The following ANK3 variants were observed in gnomAD, a reference collection of about 807,000 sequenced individuals.
ANK3 encodes the protein ankyrin-3.
A neutral mutation model predicts 370.9 loss-of-function variants in ANK3; 57 were observed. The ratio of observed to expected loss-of-function variants is 0.15; its 90% CI spans 0.12 to 0.19. The LOEUF is 0.19. Ranked by LOEUF, ANK3 falls within the 10% of genes least tolerant of loss-of-function variation. The pLI, the probability that ANK3 is intolerant of heterozygous loss-of-function variation, is 1.00. For missense variants in ANK3, 4,439 were observed against 5,302.1 expected (o/e 0.84, Z 5.06); for synonymous variants, 1,929 against 1,946.3 (o/e 0.99, Z 0.23).
intron 2 of ANK3, among the ~76,000 whole-genome samples, chr10:60,404,849 G>A (rs1036806378): frequency 6.6e-6 from 1 of 152,032 alleles, no homozygotes; most frequent in African/African-American, 2.4e-5. Context: ...AAATATAAGT[G>A]ACTCCAACAA....
At chr10:60,273,001 G>T (rs1394299713) in intron 4 of ANK3, among the ~76,000 whole-genome samples, 2 of 152,136 alleles carry the variant, frequency 1.3e-5, no homozygotes, top group East Asian at 3.9e-4. Flanking sequence ...CAGGATCCAT[G>T]AAGAAAGCCC....
At chr10:60,043,738 G>A in intron 42 of ANK3, 1 of 985,400 alleles carries the variant, frequency 1.0e-6, no homozygotes, top group Non-Finnish European at 1.2e-6. Context: ...CTCTGCTGAA[G>A]GCCAAGCCCT....
In ANK3 at chr10:60,084,710, ATCAT is replaced by A; in HGVS notation, c.3962_3965del (p.Asn1321IlefsTer3). 6.2e-7 allele frequency: 1 copy of A among 1,613,854 alleles called. No individual in the cohort carries two copies. Among genetic ancestry groups the A allele is most frequent in the Non-Finnish European group, 8.5e-7 (1 of 1,179,902 alleles). On this transcript the variant is annotated frameshift_variant, in exon 32 of 44. Coordinates refer to ENST00000280772, the MANE Select transcript of ANK3 (RefSeq NM_020987.5). LOFTEE classifies it high-confidence loss of function. Reference sequence around the variant, plus strand: ...AACATCGCAAGGAAGATTCTACGGGATCATTCATTTTGGCAAAAACAACAAACTT... The same window carrying A: ...AACATCGCAAGGAAGATTCTACGGGATCATTTTGGCAAAAACAACAAACTT...
At chr10:60,353,811 C>T (rs976815058) in intron 1 of ANK3, among the ~76,000 whole-genome samples, 7 of 152,182 alleles carry the variant, frequency 4.6e-5, no homozygotes, top group African/African-American at 1.7e-4. Flanking sequence ...ACTGTTTCAC[C>T]CCACTAACCT....
At chr10:60,688,102 T>G (rs2079295269) in intron 1 of ANK3, among the ~76,000 whole-genome samples, 1 of 152,014 alleles carries the variant, frequency 6.6e-6, no homozygotes, top group Admixed American at 6.6e-5. Flanking sequence ...TTTTGAGACC[T>G]TTCCTTACCC....
intron 1 of ANK3, among the ~76,000 whole-genome samples, chr10:60,379,028 A>G (rs1005166795): frequency 6.6e-5 from 10 of 152,116 alleles, no homozygotes; most frequent in Non-Finnish European, 1.5e-4. Context: ...ATCCCACACA[A>G]TCCGATTTAA....
chr10:60,161,164 T>A (rs2095490415), intron 23 of ANK3, among the ~76,000 whole-genome samples: 1 of 152,088 alleles, frequency 6.6e-6, no homozygotes, highest in African/African-American at 2.4e-5. Flanking sequence ...CAAAAACCTA[T>A]CAGAACTGAT....
At chr10:60,465,893 A>G (rs889547358) in intron 2 of ANK3, among the ~76,000 whole-genome samples, 15 of 147,828 alleles carry the variant, frequency 1.0e-4, no homozygotes, top group Non-Finnish European at 2.2e-4. Flanking sequence ...TTTTCTGGCT[A>G]TAGTAGAAAC....
At chr10:60,463,859 G>A (rs1423702600) in intron 2 of ANK3, among the ~76,000 whole-genome samples, 1 of 151,870 alleles carries the variant, frequency 6.6e-6, no homozygotes, top group African/African-American at 2.4e-5. Context: ...TGTGGAGGAA[G>A]GGAGCTTTTT....
intron 41 of ANK3, among the ~76,000 whole-genome samples, chr10:60,059,119 T>C (rs974152972): frequency 3.9e-5 from 6 of 152,224 alleles, no homozygotes; most frequent in African/African-American, 1.4e-4. Context: ...TGGGCATGTA[T>C]GTAAATTTTC....
At position 60,715,074 on chromosome 10, in the gene ANK3, G is replaced by A. The variant is rs115889229; in HGVS notation, c.57+18189C>T. Among the ~76,000 whole-genome samples, 963 of 152,196 alleles carry A rather than the reference G, an allele frequency of 6.3e-3. 16 individuals carry two copies. The highest frequency in any genetic ancestry group is 0.022 in the African/African-American group (926 of 41,502). On this transcript the variant is annotated intron_variant, in intron 1 of 43. Transcript: ENST00000373827. ...GTTATTAACAGGGGAAACCATGTAT[G>A]GGGTTAGGGGAGGTGGGATATATGG...
At chr10:60,523,931 A>T (rs1318084039) in intron 2 of ANK3, among the ~76,000 whole-genome samples, 1 of 152,112 alleles carries the variant, frequency 6.6e-6, no homozygotes, top group East Asian at 1.9e-4. Context: ...ACAAGCATCT[A>T]CATCTGCACA....
Position 60,480,508 on chromosome 10 carries a change from T to G in ANK3, c.96+134678A>C, listed in dbSNP as rs896490474. Among the ~76,000 whole-genome samples, 4 of 152,112 alleles carry G rather than the reference T, an allele frequency of 2.6e-5. No homozygotes were observed. The East Asian group carries it at 7.7e-4, about 29-fold the overall frequency. ...TGAAAGCTAAAACAAAACTGATTGT[T>G]GGTCAATTTCCAAAAAAAAAATCAA... On this transcript the variant is annotated intron_variant, in intron 2 of 43. Coordinates refer to the ANK3 transcript ENST00000373827.
intron 5 of ANK3, among the ~76,000 whole-genome samples, chr10:60,269,103 T>C (rs1307028599): frequency 6.6e-6 from 1 of 152,194 alleles, no homozygotes; most frequent in Non-Finnish European, 1.5e-5. Context: ...ACCCTGCATC[T>C]GCCCTAATTC....
chr10:60,391,675 A>G (rs1200332330), upstream of ANK3, among the ~76,000 whole-genome samples: 1 of 152,132 alleles, frequency 6.6e-6, no homozygotes, highest in Non-Finnish European at 1.5e-5. Flanking sequence ...TATATTTAGA[A>G]GTGTGCTTGA....
In ANK3 at chr10:60,354,498, G is replaced by A. The variant is rs533093848; in HGVS notation, c.114+34927C>T. On this transcript the variant is annotated intron_variant, in intron 1 of 43. Transcript: ENST00000280772. ...CTATCTTCAAACTCAATAGAATACT[G>A]AATTTGATATTGTCTAGTAAGTCCT... Among the ~76,000 whole-genome samples the A allele has an allele frequency of 3.3e-5, 5 of 152,260 alleles. No homozygotes were observed. In the East Asian group the frequency reaches 9.6e-4, roughly 29 times the overall value.
intron 25 of ANK3, among the ~76,000 whole-genome samples, chr10:60,132,868 G>A (rs1459008476): frequency 6.6e-6 from 1 of 152,024 alleles, no homozygotes; most frequent in East Asian, 1.9e-4. Flanking sequence ...TGCCTGTCTT[G>A]GCCTTCCAAA....
intron 8 of ANK3, among the ~76,000 whole-genome samples, chr10:60,226,510 CA>C (rs1305690720): frequency 7.7e-5 from 4 of 51,658 alleles, no homozygotes; most frequent in East Asian, 1.9e-3. Flanking sequence ...AGTATATATA[CA>C]TAGTATATAT....
At chr10:60,078,354 A>G (rs2084305114) in intron 36 of ANK3, among the ~76,000 whole-genome samples, 1 of 152,210 alleles carries the variant, frequency 6.6e-6, no homozygotes, top group Non-Finnish European at 1.5e-5. Flanking sequence ...CCTTCTTGCC[A>G]TAATTCTCAA....
Sources: gnomAD v4.1 joint callset for allele counts (sites outside exome capture counted in the v4.1 genomes callset) on GRCh38, gnomAD v4.1.1 for gene constraint, MANE v1.5 for transcripts, NCBI Gene and HGNC (gene_info 2026-07-23, HGNC 2026-07-21) for gene names.